TMEM117: variants seen among roughly 807,000 people sequenced by gnomAD.
The protein encoded by TMEM117 is transmembrane protein 117.
In TMEM117, 27 loss-of-function variants were observed where a neutral mutation model predicts 52.4. That is an observed-to-expected ratio of 0.51 (90% CI 0.38 to 0.71). The LOEUF (loss-of-function observed/expected upper bound fraction) is 0.71. Ranked by LOEUF, TMEM117 falls within the 30% of genes least tolerant of loss-of-function variation. The probability of loss-of-function intolerance (pLI) is 0.00; values close to 1 mark genes in which losing one functional copy is unlikely to be tolerated. For synonymous variants in TMEM117, 215 were observed against 206.3 expected (o/e 1.04, Z -0.36); for missense variants, 556 against 630.5 (o/e 0.88, Z 1.26).
chr12:44,337,014 G>T (rs76683080), intron 6 of TMEM117, among the ~76,000 whole-genome samples: 55 of 152,068 alleles, frequency 3.6e-4, no homozygotes, highest in African/African-American at 1.1e-3. Context: ...CAGTGTCTTC[G>T]GTATCTTTTA....
chr12:43,979,664 G>C (rs1404366168), intron 3 of TMEM117, among the ~76,000 whole-genome samples: 1 of 152,142 alleles, frequency 6.6e-6, no homozygotes, highest in Non-Finnish European at 1.5e-5. Context: ...TTGCAAATTA[G>C]CGTTGATAGC....
chr12:44,377,381 G>A (rs2138852703), intron 7 of TMEM117, among the ~76,000 whole-genome samples: 1 of 152,296 alleles, frequency 6.6e-6, no homozygotes. Context: ...TCTTTAGGGA[G>A]TTAGGCCACT....
chr12:44,048,709 C>T (rs1052897458), intron 3 of TMEM117, among the ~76,000 whole-genome samples: 3 of 152,088 alleles, frequency 2.0e-5, no homozygotes, highest in African/African-American at 4.8e-5. Context: ...GTATTTTTAG[C>T]GTGATAGAGT....
chr12:43,929,219 A>C (rs1944833117), intron 2 of TMEM117, among the ~76,000 whole-genome samples: 1 of 152,078 alleles, frequency 6.6e-6, no homozygotes, highest in African/African-American at 2.4e-5. Flanking sequence ...CAACAGTGTA[A>C]ACCATGCTAG....
intron 7 of TMEM117, among the ~76,000 whole-genome samples, chr12:44,384,995 CAG>C (rs1409219798): frequency 6.6e-6 from 1 of 152,088 alleles, no homozygotes; most frequent in African/African-American, 2.4e-5. Flanking sequence ...AATAAGTAGA[CAG>C]ATTTGGGGTA....
chr12:44,100,190 A>G (rs1339541300), intron 3 of TMEM117, among the ~76,000 whole-genome samples: 2 of 151,970 alleles, frequency 1.3e-5, no homozygotes, highest in Non-Finnish European at 2.9e-5. Context: ...AAAAACTGAA[A>G]ACACGGGTTA....
chr12:44,233,129 T>C (rs536437133), intron 5 of TMEM117, among the ~76,000 whole-genome samples: 3 of 151,320 alleles, frequency 2.0e-5, no homozygotes, highest in Non-Finnish European at 3.0e-5. Context: ...TCTTGCCTTA[T>C]TGTGGTGGTT....
chr12:44,040,747 T>A (rs1454675275), intron 3 of TMEM117, among the ~76,000 whole-genome samples: 3 of 152,350 alleles, frequency 2.0e-5, no homozygotes, highest in African/African-American at 7.2e-5. Context: ...GATTTTATGT[T>A]TCTTTTTGAT....
At chr12:44,391,355 T>C (rs976226302), downstream of TMEM117, among the ~76,000 whole-genome samples, 1 of 152,174 alleles carries the variant, frequency 6.6e-6, no homozygotes, top group Non-Finnish European at 1.5e-5. Flanking sequence ...TGGTAGCTAC[T>C]TATGTTACCT....
At chr12:44,309,420 C>T (rs1174794648) in intron 6 of TMEM117, among the ~76,000 whole-genome samples, 1 of 152,012 alleles carries the variant, frequency 6.6e-6, no homozygotes, top group Non-Finnish European at 1.5e-5. Context: ...AGTGTCAAGT[C>T]TAGTTAGATT....
At chr12:44,305,017 T>C (rs1950887247) in intron 6 of TMEM117, among the ~76,000 whole-genome samples, 1 of 152,110 alleles carries the variant, frequency 6.6e-6, no homozygotes. Context: ...GCTCCTGAGG[T>C]TCCTGACTCC....
the TMEM117 span, among the ~76,000 whole-genome samples, chr12:43,811,751 G>A: frequency 6.6e-6 from 1 of 152,170 alleles, no homozygotes; most frequent in Non-Finnish European, 1.5e-5. Context: ...TTTTAAAGTT[G>A]AAATTACAGC....
intron 2 of TMEM117, among the ~76,000 whole-genome samples, chr12:43,923,902 G>A (rs1944735304): frequency 6.6e-6 from 1 of 152,030 alleles, no homozygotes; most frequent in Non-Finnish European, 1.5e-5. Flanking sequence ...AGATTTATTT[G>A]TGAAGTTCAG....
intron 5 of TMEM117, among the ~76,000 whole-genome samples, chr12:44,288,295 T>C (rs563859575): frequency 5.9e-5 from 9 of 152,214 alleles, no homozygotes; most frequent in Non-Finnish European, 1.2e-4. Context: ...TAGGTCTTTT[T>C]CTCTGAGCTG....
intron 2 of TMEM117, among the ~76,000 whole-genome samples, chr12:43,914,822 AT>A (rs1944573281): frequency 6.6e-6 from 1 of 152,166 alleles, no homozygotes; most frequent in Admixed American, 6.5e-5. Context: ...GTAGAGATTG[AT>A]GGTATTTGAT....
intron 4 of TMEM117, among the ~76,000 whole-genome samples, chr12:44,201,907 T>C (rs1949500379): frequency 1.3e-5 from 2 of 152,016 alleles, no homozygotes. Context: ...GAAAGTAAAA[T>C]ATTTTTATTT....
Position 44,311,813 on chromosome 12 carries a change from GTA to G in TMEM117, c.768+12082_768+12083del, listed in dbSNP as rs1224645268. The stretch of plus-strand genomic sequence containing the variant: ...TATATATATGTATATATGTATATAT[GTA>G]TATATATGTATATATGTATATATGT... On this transcript the variant is annotated intron_variant, in intron 6 of 7. Transcript: ENST00000266534. Among the ~76,000 whole-genome samples, 172 of 93,272 alleles carry G rather than the reference GTA, an allele frequency of 1.8e-3. 2 individuals are homozygous for G. The highest frequency in any genetic ancestry group is 8.9e-3 in the African/African-American group (161 of 18,108). The allele number at this position is 93,272 out of a possible 152,430, so 61.2% of individuals were successfully genotyped here. A position where few individuals can be genotyped will look rare whatever the true frequency, so the allele number is the denominator to read the frequency against.
chr12:44,328,238 G>A (rs187710086), intron 6 of TMEM117, among the ~76,000 whole-genome samples: 12 of 152,260 alleles, frequency 7.9e-5, no homozygotes, highest in East Asian at 1.9e-4. Context: ...TCTAGAATAT[G>A]AACTCCTTGA....
At chr12:44,321,494 G>A (rs80005971) in intron 6 of TMEM117, among the ~76,000 whole-genome samples, 6,756 of 152,200 alleles carry the variant, frequency 0.044, 153 homozygotes, top group African/African-American at 0.065. Flanking sequence ...CAGACCCCAT[G>A]TTGTCTTTCC....
Sources: allele counts gnomAD v4.1 joint callset (sites outside exome capture counted in the v4.1 genomes callset), GRCh38; gene constraint gnomAD v4.1.1; transcripts MANE v1.5; gene names NCBI Gene and HGNC (gene_info 2026-07-23, HGNC 2026-07-21).